HLCS: variants seen among roughly 807,000 people sequenced by gnomAD.
The protein encoded by HLCS is biotin--protein ligase.
HLCS carries 53 observed loss-of-function variants against 75.0 expected under a neutral mutation model. The ratio of observed to expected loss-of-function variants is 0.71; its 90% CI spans 0.57 to 0.89. The LOEUF (loss-of-function observed/expected upper bound fraction) is 0.89. Among genes scored for constraint, HLCS ranks in the 40% least tolerant of loss-of-function variants. The pLI is 0.00. For missense variants in HLCS, 966 were observed against 1,074.0 expected, an observed-to-expected ratio of 0.90 and a Z score of 1.41; for synonymous variants, 431 against 428.6, an observed-to-expected ratio of 1.01 and a Z score of -0.07.
At chr21:36,816,910 A>G (rs899865564) in intron 6 of HLCS, among the ~76,000 whole-genome samples, 5 of 152,158 alleles carry the variant, frequency 3.3e-5, no homozygotes, top group African/African-American at 4.8e-5. Context: ...TTGTGATGAT[A>G]TACTAAGTAC....
At position 36,765,150 on chromosome 21, in the gene HLCS, C is replaced by G; in HGVS notation, c.1983G>C (p.Leu661=). The change falls in exon 8 of 11, where the codon CTG becomes CTC. Residue 661 remains leucine, a synonymous_variant. Coordinates refer to ENST00000674895, the MANE Select transcript of HLCS (RefSeq NM_001352514.2). The part of the protein sequence containing the change: ...EGKGRGGNVW[L]SPVGCALSTL... ...TAGAAAGAGCACATCCCACAGGGCTCAGCCACACATTCCCTCCCCGTCCTG... is the reference window on the plus strand; with the variant it reads ...TAGAAAGAGCACATCCCACAGGGCTGAGCCACACATTCCCTCCCCGTCCTG... 1.9e-5 allele frequency: 30 copies of G among 1,614,220 alleles called. No homozygotes were observed. The highest frequency in any genetic ancestry group is 2.5e-5 in the Non-Finnish European group (30 of 1,180,034).
intron 6 of HLCS, among the ~76,000 whole-genome samples, chr21:36,856,332 G>A (rs1220243188): frequency 6.6e-6 from 1 of 152,172 alleles, no homozygotes; most frequent in Non-Finnish European, 1.5e-5. Context: ...AGGGGAAAAA[G>A]GTAGGCCAGA....
intron 6 of HLCS, among the ~76,000 whole-genome samples, chr21:36,880,638 C>T (rs990219374): frequency 5.3e-5 from 8 of 152,150 alleles, no homozygotes; most frequent in Middle Eastern, 3.2e-3. Flanking sequence ...GAGATTGCCA[C>T]GACTTGCAGA....
chr21:36,881,986 G>A (rs1311573675), intron 6 of HLCS, among the ~76,000 whole-genome samples: 1 of 152,118 alleles, frequency 6.6e-6, no homozygotes, highest in Non-Finnish European at 1.5e-5. Context: ...TTGAGCAAGA[G>A]TGAGACTCCA....
At chr21:36,896,318 C>T (rs925317555) in intron 6 of HLCS, among the ~76,000 whole-genome samples, 8 of 152,204 alleles carry the variant, frequency 5.3e-5, no homozygotes, top group African/African-American at 1.9e-4. Flanking sequence ...CCACTGGACT[C>T]CAGCCTGGGT....
At chr21:36,964,689 A>G (rs1304667987) in intron 1 of HLCS, among the ~76,000 whole-genome samples, 1 of 152,224 alleles carries the variant, frequency 6.6e-6, no homozygotes, top group Non-Finnish European at 1.5e-5. Context: ...TCCGGCCTGC[A>G]CAGGTAGGCA....
chr21:36,947,861 A>C, intron 2 of HLCS: 1 of 985,482 alleles, frequency 1.0e-6, no homozygotes, highest in South Asian at 4.7e-5. Flanking sequence ...TGGTACCCAG[A>C]GTCAGATCAC....
rs567277866 is a variant in HLCS at position 36,858,641 on chromosome 21, C to T, written c.1892+38219G>A. On this transcript the variant is annotated intron_variant, in intron 6 of 10. Coordinates refer to ENST00000674895, the MANE Select transcript of HLCS (RefSeq NM_001352514.2). Reference sequence around the variant, plus strand: ...GTTAAATAACGCAGTACATCAAGGGCTGAGGAGGCCTTGAAGAATAGTGGA... The same window carrying T: ...GTTAAATAACGCAGTACATCAAGGGTTGAGGAGGCCTTGAAGAATAGTGGA... Among the ~76,000 whole-genome samples, 34 of 152,242 alleles carry T rather than the reference C, an allele frequency of 2.2e-4. No homozygotes were observed. In the East Asian group the frequency reaches 4.1e-3, roughly 18 times the overall value.
intron 5 of HLCS, among the ~76,000 whole-genome samples, chr21:36,923,833 G>A (rs2066282801): frequency 6.6e-6 from 1 of 152,270 alleles, no homozygotes; most frequent in East Asian, 1.9e-4. Context: ...TTGATAACAG[G>A]AAGTCAGTCA....
chr21:36,877,329 C>G (rs2064022771), intron 6 of HLCS, among the ~76,000 whole-genome samples: 1 of 151,550 alleles, frequency 6.6e-6, no homozygotes, highest in East Asian at 1.9e-4. Flanking sequence ...GTTTCTAGTC[C>G]TCTTTTCCTG....
At chr21:36,788,563 C>T (rs1414101926) in intron 6 of HLCS, among the ~76,000 whole-genome samples, 1 of 152,170 alleles carries the variant, frequency 6.6e-6, no homozygotes, top group Non-Finnish European at 1.5e-5. Flanking sequence ...CATTAAAATG[C>T]AAAGAGGAAG....
At chr21:36,853,229 A>G (rs1454102940) in intron 6 of HLCS, among the ~76,000 whole-genome samples, 1 of 152,200 alleles carries the variant, frequency 6.6e-6, no homozygotes, top group African/African-American at 2.4e-5. Context: ...CTTTCCTAAA[A>G]CACGTTATTT....
intron 6 of HLCS, among the ~76,000 whole-genome samples, chr21:36,878,915 C>T (rs973945947): frequency 3.9e-4 from 59 of 152,282 alleles, no homozygotes; most frequent in African/African-American, 1.4e-3. Flanking sequence ...ATCACTTACT[C>T]TTTATGTCAC....
At chr21:36,920,913 C>A (rs537659829) in intron 5 of HLCS, among the ~76,000 whole-genome samples, 14 of 152,202 alleles carry the variant, frequency 9.2e-5, no homozygotes, top group African/African-American at 2.9e-4. Flanking sequence ...GCTATCCCCC[C>A]ACCCCCAAAT....
rs976664058 is a variant in HLCS at position 36,750,367 on chromosome 21, T to C, written c.*3879A>G. On this transcript the variant is annotated 3_prime_UTR_variant, in exon 11 of 11. Transcript: ENST00000674895. ...AGGGAAAGGAATTCCTTTATGTTCTTGGAAGCCCTTTTCTAGAAAAGCCAT... is the reference window on the plus strand; with the variant it reads ...AGGGAAAGGAATTCCTTTATGTTCTCGGAAGCCCTTTTCTAGAAAAGCCAT... Among the ~76,000 whole-genome samples, 5 of 152,258 alleles carry C rather than the reference T, an allele frequency of 3.3e-5. No individual in the cohort carries two copies. The highest frequency in any genetic ancestry group is 1.2e-4 in the African/African-American group (5 of 41,476).
chr21:36,906,025 G>A (rs559074680), intron 5 of HLCS, among the ~76,000 whole-genome samples: 2 of 143,282 alleles, frequency 1.4e-5, no homozygotes, highest in South Asian at 4.4e-4. Context: ...ACTCCAGGCT[G>A]GGCAACAGAG....
chr21:36,855,116 A>T (rs2063141959), intron 6 of HLCS, among the ~76,000 whole-genome samples: 1 of 152,094 alleles, frequency 6.6e-6, no homozygotes, highest in Non-Finnish European at 1.5e-5. Context: ...ATTTCATCAC[A>T]TCTTCTTAAC....
At chr21:36,885,413 T>C (rs558232471) in intron 6 of HLCS, among the ~76,000 whole-genome samples, 1 of 149,690 alleles carries the variant, frequency 6.7e-6, no homozygotes, top group South Asian at 2.1e-4. Flanking sequence ...GACGCTGAGG[T>C]GGGAGGATCA....
chr21:36,769,565 G>T (rs1228691351), intron 6 of HLCS, among the ~76,000 whole-genome samples: 2 of 152,200 alleles, frequency 1.3e-5, no homozygotes, highest in Non-Finnish European at 2.9e-5. Context: ...TTCCTTGCTG[G>T]CAAAGGTTGT....
Sources: allele counts gnomAD v4.1 joint callset (sites outside exome capture counted in the v4.1 genomes callset), GRCh38; gene constraint gnomAD v4.1.1; transcripts MANE v1.5; gene names NCBI Gene and HGNC (gene_info 2026-07-23, HGNC 2026-07-21).